The following SV2C variants were observed in gnomAD, a reference collection of about 807,000 sequenced individuals.
SV2C encodes the protein solute carrier family 22 member B3.
SV2C carries 49 observed loss-of-function variants against 79.7 expected under a neutral mutation model. The ratio of observed to expected loss-of-function variants is 0.61; its 90% confidence interval spans 0.49 to 0.78. The LOEUF is 0.78. Among genes scored for constraint, SV2C ranks in the 30% least tolerant of loss-of-function variants. The pLI is 0.00. For missense variants in SV2C, 833 were observed against 912.9 expected (o/e 0.91, Z 1.13); for synonymous variants, 334 against 333.2 (o/e 1.00, Z -0.03).
the SV2C span, among the ~76,000 whole-genome samples, chr5:75,941,843 T>G: frequency 2.6e-4 from 40 of 152,304 alleles, no homozygotes; most frequent in Non-Finnish European, 5.1e-4. Context: ...TGACCTACCT[T>G]GTCTGATTGT....
At chr5:76,349,396 C>T (rs1749605632) in intron 12 of SV2C, among the ~76,000 whole-genome samples, 1 of 152,080 alleles carries the variant, frequency 6.6e-6, no homozygotes, top group Admixed American at 6.5e-5. Context: ...ACCTGTAACC[C>T]AGCTACTCAG....
chr5:75,908,988 T>G, the SV2C span, among the ~76,000 whole-genome samples: 3 of 152,238 alleles, frequency 2.0e-5, no homozygotes, highest in African/African-American at 7.2e-5. Flanking sequence ...AAAAATCACT[T>G]TGACATATTA....
intron 2 of SV2C, among the ~76,000 whole-genome samples, chr5:76,175,704 G>A (rs748280910): frequency 3.9e-5 from 6 of 152,190 alleles, no homozygotes; most frequent in Non-Finnish European, 4.4e-5. Context: ...GTAAGATCTA[G>A]AAAATCACAT....
At chr5:76,192,955 T>C (rs1744150690) in intron 2 of SV2C, among the ~76,000 whole-genome samples, 1 of 152,224 alleles carries the variant, frequency 6.6e-6, no homozygotes, top group South Asian at 2.1e-4. Context: ...CCTCTGATGT[T>C]CTCTTGTTAG....
chr5:76,060,162 A>G, the SV2C span, among the ~76,000 whole-genome samples: 5 of 152,246 alleles, frequency 3.3e-5, no homozygotes, highest in Admixed American at 2.6e-4. Context: ...TCTTAAGGGC[A>G]CTATGATTTT....
chr5:76,241,402 T>C (rs1745782466), intron 4 of SV2C, among the ~76,000 whole-genome samples: 1 of 151,828 alleles, frequency 6.6e-6, no homozygotes, highest in Non-Finnish European at 1.5e-5. Flanking sequence ...AAGTTTAGAG[T>C]GAGGGTTGAC....
At chr5:76,164,743 T>TGTGTGC (rs1742998099) in intron 2 of SV2C, among the ~76,000 whole-genome samples, 1 of 151,776 alleles carries the variant, frequency 6.6e-6, no homozygotes, top group East Asian at 1.9e-4. Context: ...TGTGTGTGTG[T>TGTGTGC]GTGTGTGTAA....
intron 12 of SV2C, among the ~76,000 whole-genome samples, chr5:76,304,077 T>C (rs1233457546): frequency 6.6e-6 from 1 of 152,242 alleles, no homozygotes; most frequent in East Asian, 1.9e-4. Context: ...CCAGTCATTG[T>C]CTGGGAGCAG....
intron 2 of SV2C, among the ~76,000 whole-genome samples, chr5:76,135,703 C>A (rs1038747014): frequency 6.6e-6 from 1 of 152,188 alleles, no homozygotes; most frequent in Admixed American, 6.5e-5. Flanking sequence ...TGATTTCCAG[C>A]CCCTGGTCAC....
chr5:75,991,369 A>G, the SV2C span, among the ~76,000 whole-genome samples: 4 of 151,498 alleles, frequency 2.6e-5, no homozygotes, highest in Non-Finnish European at 4.4e-5. Context: ...TCATATACAC[A>G]GCAAATATTT....
rs1749249118 is a variant in SV2C at position 76,333,794 on chromosome 5, C to A, written c.*8247C>A. On this transcript the variant is annotated 3_prime_UTR_variant, in exon 13 of 13. Transcript: ENST00000502798. ...GCGTATCCTTGTGAAAGGGCATGCT[C>A]CATGTGGGATGGCTCGTGTACAGCA... 1 of 152,160 alleles carries A rather than the reference C, an allele frequency of 6.6e-6. No homozygotes were observed. Among genetic ancestry groups the A allele is most frequent in the African/African-American group, 2.4e-5 (1 of 41,438 alleles). The allele number at this position is 152,160 out of a possible 1,614,324, so 9.4% of individuals were successfully genotyped here.
the SV2C span, among the ~76,000 whole-genome samples, chr5:75,857,755 A>G: frequency 0.012 from 1,870 of 152,230 alleles, 53 homozygotes; most frequent in African/African-American, 0.043. Context: ...ATATCTTTCC[A>G]TTTTTTGTGT....
At chr5:76,078,384 G>T (rs1243335628), upstream of SV2C, among the ~76,000 whole-genome samples, 1 of 152,234 alleles carries the variant, frequency 6.6e-6, no homozygotes, top group African/African-American at 2.4e-5. Flanking sequence ...GGCATAGTCA[G>T]AGGGTTTCAG....
the SV2C span, among the ~76,000 whole-genome samples, chr5:75,968,394 T>C: frequency 6.6e-6 from 1 of 151,886 alleles, no homozygotes; most frequent in Non-Finnish European, 1.5e-5. Context: ...AAGGAGGAAG[T>C]TCAAACCAAT....
At chr5:76,174,608 G>A (rs1743465026) in intron 2 of SV2C, among the ~76,000 whole-genome samples, 1 of 152,206 alleles carries the variant, frequency 6.6e-6, no homozygotes, top group African/African-American at 2.4e-5. Flanking sequence ...CCCAGATAGT[G>A]AATACGTCAA....
At chr5:76,317,883 G>C (rs1017096254) in intron 12 of SV2C, among the ~76,000 whole-genome samples, 1 of 152,084 alleles carries the variant, frequency 6.6e-6, no homozygotes, top group Non-Finnish European at 1.5e-5. Flanking sequence ...TGGTGGGGTA[G>C]ATATTCAGCC....
At chr5:76,113,580 A>G (rs992156977) in intron 1 of SV2C, among the ~76,000 whole-genome samples, 1 of 152,200 alleles carries the variant, frequency 6.6e-6, no homozygotes, top group Non-Finnish European at 1.5e-5. Context: ...TCAGTTCTCA[A>G]ACATTGGTGG....
chr5:76,191,032 A>G (rs1230215304), intron 2 of SV2C, among the ~76,000 whole-genome samples: 2 of 152,208 alleles, frequency 1.3e-5, no homozygotes. Flanking sequence ...GGACTAATTT[A>G]TAAAGAAGAG....
At chr5:75,941,304 T>C in the SV2C span, among the ~76,000 whole-genome samples, 1 of 152,228 alleles carries the variant, frequency 6.6e-6, no homozygotes, top group South Asian at 2.1e-4. Flanking sequence ...TAAGATAGAA[T>C]TCTTAATCAA....
Sources: gnomAD v4.1 joint callset for allele counts (sites outside exome capture counted in the v4.1 genomes callset) on GRCh38, gnomAD v4.1.1 for gene constraint, MANE v1.5 for transcripts, NCBI Gene and HGNC (gene_info 2026-07-23, HGNC 2026-07-21) for gene names.